DDX59: variants seen among roughly 807,000 people sequenced by gnomAD.
The protein encoded by DDX59 is DEAD-box helicase 59, also known as probable ATP-dependent RNA helicase DDX59.
DDX59 carries 30 observed loss-of-function variants against 51.9 expected under a neutral mutation model. The ratio of observed to expected loss-of-function variants is 0.58; its 90% CI spans 0.43 to 0.78. DDX59 has a LOEUF of 0.78. Among genes scored for constraint, DDX59 ranks in the 30% least tolerant of loss-of-function variants. The pLI, the probability that DDX59 is intolerant of heterozygous loss-of-function variation, is 0.00. For synonymous variants in DDX59, 255 were observed against 253.3 expected (o/e 1.01, Z -0.06); for missense variants, 672 against 730.8 (o/e 0.92, Z 0.93).
rs1298240541 is a variant in DDX59 at position 200,666,573 on chromosome 1, G to A, written c.168C>T (p.Ile56=). The A allele has an allele frequency of 6.2e-7, 1 of 1,614,192 alleles. No individual in the cohort carries two copies. Among genetic ancestry groups the A allele is most frequent in the South Asian group, 1.1e-5 (1 of 91,076 alleles). ...GGCTGGGGAAAGGGCATGATTCGCT[G>A]ATGTGCCTGTCTATTGTGGCTGCTT... is the stretch of plus-strand genomic sequence containing the variant. The part of the protein sequence containing the change: ...ATEAATIDRH[I]SESCPFPSPG... Residue 56 remains isoleucine (I), a synonymous_variant, in exon 2 of 8, where the codon ATC becomes ATT. Transcript: ENST00000331314.
In DDX59 at chr1:200,666,413, C is replaced by A. The variant is rs202238030; in HGVS notation, c.328G>T (p.Val110Phe). 2.0e-5 allele frequency: 33 copies of A among 1,614,226 alleles called. No individual in the cohort carries two copies. The East Asian group carries it at 6.5e-4, about 32-fold the overall frequency. ...ATATACTCTCCATAACGACCACAGA[C>A]AACACAGATGGGTTCCCCTGGTTCT... The part of the protein sequence containing the change: ...WAEPGEPICV[V>F]CGRYGEYICD... The change falls in exon 2 of 8, where the codon GTC becomes TTC. Residue 110 changes from valine (V) to phenylalanine (F), a missense_variant. Val to Phe is a conservative substitution (Grantham distance 50). Transcript: ENST00000331314.
At position 200,668,134 on chromosome 1, in the gene DDX59, T is replaced by TAAAACAAAAC. The variant is rs1320627889; in HGVS notation, c.-11-1393_-11-1384dup. Among the ~76,000 whole-genome samples, 3 of 151,816 alleles carry TAAAACAAAAC rather than the reference T, an allele frequency of 2.0e-5. 1 individual carries two copies. The highest frequency in any genetic ancestry group is 2.0e-4 in the Admixed American group (3 of 15,230). On this transcript the variant is annotated intron_variant, in intron 1 of 7. Coordinates refer to ENST00000331314, the MANE Select transcript of DDX59 (RefSeq NM_001031725.6). Reference sequence around the variant, plus strand: ...TAACACGGTGAAACCCCGTCTCTATTAAAACAAAACAAAACAAAAAAAATT... The same window carrying TAAAACAAAAC: ...TAACACGGTGAAACCCCGTCTCTATTAAAACAAAACAAAACAAAACAAAACAAAAAAAATT...
chr1:200,642,544 T>G (rs2102821748), downstream of DDX59, among the ~76,000 whole-genome samples: 1 of 152,304 alleles, frequency 6.6e-6, no homozygotes, highest in East Asian at 1.9e-4. Flanking sequence ...ACCACTGCAT[T>G]GCTGCACCCC....
intron 4 of DDX59, among the ~76,000 whole-genome samples, chr1:200,652,856 AT>A (rs888090737): frequency 8.7e-5 from 13 of 149,108 alleles, no homozygotes; most frequent in Admixed American, 3.3e-4. Flanking sequence ...AATTTTTGGT[AT>A]TTTTTTTTGC....
At position 200,660,953 on chromosome 1, in the gene DDX59, G is replaced by C. The variant is rs566216105; in HGVS notation, c.973-1837C>G. The stretch of plus-strand genomic sequence containing the variant: ...CTGTATTCCCTAGCTCTATCCACTG[G>C]GAAGTCCTAGAAGCAGTGATAGTCC... On this transcript the variant is annotated intron_variant, in intron 3 of 7. Transcript: ENST00000331314. 5.5e-4 allele frequency among the ~76,000 whole-genome samples: 84 copies of C among 152,264 alleles called. 1 individual carries two copies. Among genetic ancestry groups the C allele is most frequent in the African/African-American group, 1.9e-3 (79 of 41,546 alleles).
Position 200,666,701 on chromosome 1 carries a change from T to A in DDX59, c.40A>T (p.Asn14Tyr). Residue 14 changes from asparagine to tyrosine, a missense_variant, in exon 2 of 8, where the codon AAT (asparagine) becomes TAT (tyrosine). Asn to Tyr is a moderately radical substitution (Grantham distance 143). Transcript: ENST00000331314. ...GCCACACAACTTTTGCCATCATCAT[T>A]AGCATTCCTCTTGATTTTTAGAGAT... Reference protein sequence around the residue: ...PRSLKIKRNANDDGKSCVAKI... With the variant: ...PRSLKIKRNAYDDGKSCVAKI... 6.2e-7 allele frequency: 1 copy of A among 1,613,270 alleles called. No homozygotes were observed. Among genetic ancestry groups the A allele is most frequent in the Non-Finnish European group, 8.5e-7 (1 of 1,179,244 alleles).
At chr1:200,655,247 C>T (rs947382635) in intron 4 of DDX59, 12 of 152,184 alleles carry the variant, frequency 7.9e-5, no homozygotes, top group African/African-American at 2.9e-4. Flanking sequence ...TTGATGGAGT[C>T]ACCTCTCTTG....
At position 200,669,892 on chromosome 1, in the gene DDX59, T is replaced by TGGAGCGGAGCGGAGC. The variant is rs1362728374; in HGVS notation, c.-138_-137insGCTCCGCTCCGCTCC. 1.1e-4 allele frequency: 7 copies of TGGAGCGGAGCGGAGC among 64,806 alleles called. No individual in the cohort carries two copies. Among genetic ancestry groups the TGGAGCGGAGCGGAGC allele is most frequent in the African/African-American group, 3.5e-4 (7 of 19,908 alleles). 4.0% of individuals were successfully genotyped at this position (64,806 alleles called of 1,614,324 possible). On this transcript the variant is annotated 5_prime_UTR_variant, in exon 1 of 8. Transcript: ENST00000331314. The stretch of plus-strand genomic sequence containing the variant: ...CGTCAGGACTGCGGCCCGGGGTTGG[T>TGGAGCGGAGCGGAGC]GGTGCGGAGCGGAGCGGAGCGGAGC...
At chr1:200,655,981 C>T (rs1415996029) in intron 4 of DDX59, among the ~76,000 whole-genome samples, 1 of 152,174 alleles carries the variant, frequency 6.6e-6, no homozygotes, top group Non-Finnish European at 1.5e-5. Context: ...CAGGCACGCG[C>T]CACCACGCCC....
rs1354005912 is a variant in DDX59, at chr1:200,666,145, G to C, written c.596C>G (p.Thr199Ser). 3 of 1,614,190 alleles carry C rather than the reference G, an allele frequency of 1.9e-6. No homozygotes were observed. In the South Asian group the frequency reaches 3.3e-5, roughly 18 times the overall value. ...ATGTTCAAAGTCAATAATGGGCCTG[G>C]TGACTTCTTGCCCTTGAACTAAAAT... is the stretch of plus-strand genomic sequence containing the variant. ...LGILVQGQEVTRPIIDFEHCS... is the reference protein window; with the variant it reads ...LGILVQGQEVSRPIIDFEHCS... Residue 199 changes from threonine to serine, a missense_variant, in exon 2 of 8, where the codon ACC becomes AGC. Physicochemically the swap from Thr to Ser is moderately conservative, Grantham distance 58. Transcript: ENST00000331314.
downstream of DDX59, chr1:200,640,821 C>G (rs1661028866): frequency 6.5e-6 from 1 of 153,096 alleles, no homozygotes; most frequent in Non-Finnish European, 1.5e-5. Context: ...TTTTTCAAAG[C>G]TAAAATTTAT....
rs1317435586 is a variant in DDX59, at chr1:200,666,030, T to C, written c.711A>G (p.Gly237=). 6.2e-7 allele frequency: 1 copy of C among 1,614,164 alleles called. No homozygotes were observed. Among genetic ancestry groups the C allele is most frequent in the East Asian group, 2.2e-5 (1 of 44,888 alleles). The change falls in exon 2 of 8, where the codon GGA becomes GGG. Residue 237 remains glycine (G), a synonymous_variant. Coordinates refer to ENST00000331314, the MANE Select transcript of DDX59 (RefSeq NM_001031725.6). ...TPIQMQMIPV[G]LLGRDILASA... ...TGGCCAGAATGTCTCTTCCCAGAAG[T>C]CCCACAGGAATCATCTGCATTTGAA...
intron 5 of DDX59, 29 bp downstream of exon 5, chr1:200,650,396 A>C (rs984321387): frequency 6.3e-7 from 1 of 1,589,962 alleles, no homozygotes; most frequent in Non-Finnish European, 8.6e-7. Context: ...CACAATCCAT[A>C]AAACATAGTT....
chr1:200,641,340 TCA>T (rs1390090569), downstream of DDX59: 6 of 607,526 alleles, frequency 9.9e-6, no homozygotes, highest in Non-Finnish European at 1.3e-5. Flanking sequence ...AATCAGTGAG[TCA>T]CAGTTTAAAT....
intron 2 of DDX59, 38 bp downstream of exon 2, chr1:200,665,899 C>T (rs747386547): frequency 1.3e-6 from 2 of 1,511,484 alleles, no homozygotes; most frequent in Admixed American, 2.3e-5. Flanking sequence ...CACTTGTTTC[C>T]AAGAATAATA....
In DDX59 at chr1:200,659,085, T is replaced by C. The variant is rs749924298; in HGVS notation, c.1004A>G (p.Asp335Gly). The C allele has an allele frequency of 6.2e-7, 1 of 1,613,692 alleles. No individual in the cohort carries two copies. Among genetic ancestry groups the C allele is most frequent in the Non-Finnish European group, 8.5e-7 (1 of 1,179,822 alleles). Reference sequence around the variant, plus strand: ...TTCTACAGAGCTCTGCTTTATTATATCCAGAAGTCGCCCAGGGGTTGCTAT... The same window carrying C: ...TTCTACAGAGCTCTGCTTTATTATACCCAGAAGTCGCCCAGGGGTTGCTAT... ...VIIATPGRLL[D>G]IIKQSSVELC... The change falls in exon 4 of 8, where the codon GAT (aspartate) becomes GGT (glycine). Residue 335 changes from aspartate (D) to glycine (G), a missense_variant. By Grantham distance (94) the Asp-to-Gly change is moderately conservative (BLOSUM62 -1). Coordinates refer to ENST00000331314, the MANE Select transcript of DDX59 (RefSeq NM_001031725.6).
At chr1:200,667,092 T>A (rs1662816578) in intron 1 of DDX59, among the ~76,000 whole-genome samples, 1 of 148,834 alleles carries the variant, frequency 6.7e-6, no homozygotes, top group Non-Finnish European at 1.5e-5. Context: ...TGGGTGACAG[T>A]GAGATTCTGT....
chr1:200,668,852 C>G (rs991603870), intron 1 of DDX59, among the ~76,000 whole-genome samples: 1 of 152,230 alleles, frequency 6.6e-6, no homozygotes, highest in African/African-American at 2.4e-5. Flanking sequence ...CCTGAACATT[C>G]CTTTTTATGG....
At chr1:200,640,839 T>C (rs1571597430), downstream of DDX59, 1 of 153,398 alleles carries the variant, frequency 6.5e-6, no homozygotes, top group East Asian at 1.9e-4. Context: ...TATTTGTAAG[T>C]TACTATTTGT....
Sources: gnomAD v4.1 joint callset for allele counts (sites outside exome capture counted in the v4.1 genomes callset) on GRCh38, gnomAD v4.1.1 for gene constraint, MANE v1.5 for transcripts, NCBI Gene and HGNC (gene_info 2026-07-23, HGNC 2026-07-21) for gene names.